The following PPP2R2D variants were observed in gnomAD, a reference collection of about 807,000 sequenced individuals.
The protein encoded by PPP2R2D is serine/threonine-protein phosphatase 2A 55 kDa regulatory subunit B delta isoform.
PPP2R2D carries 9 observed loss-of-function variants against 31.1 expected under a neutral mutation model. The observed-to-expected ratio is 0.29, with a 90% CI of 0.17 to 0.51. The LOEUF is 0.51. Among genes scored for constraint, PPP2R2D ranks in the 20% least tolerant of loss-of-function variants. The pLI is 0.98. For missense variants in PPP2R2D, 391 were observed against 465.6 expected, an observed-to-expected ratio of 0.84 and a Z score of 1.48; for synonymous variants, 179 against 172.6, an observed-to-expected ratio of 1.04 and a Z score of -0.29.
rs370187334 is a variant in PPP2R2D, at chr10:131,952,214, CG to C, written c.1083-3463del. On this transcript the variant is annotated intron_variant, in intron 8 of 8. Transcript: ENST00000455566. The stretch of plus-strand genomic sequence containing the variant: ...GTCTTAGCAGTGACTTGCGGGTGTG[CG>C]GGGGGGTTCACTGTCTTAGCAGTGA... 4.4e-4 allele frequency among the ~76,000 whole-genome samples: 14 copies of C among 32,072 alleles called. No homozygotes were observed. The East Asian group carries it at 0.011, about 26-fold the overall frequency. The allele number at this position is 32,072 out of a possible 152,430, so 21.0% of individuals were successfully genotyped here.
chr10:131,956,462 G>T lies in PPP2R2D; in HGVS notation c.*499G>T. The T allele has an allele frequency of 1.0e-6, 1 of 985,608 alleles. No homozygotes were observed. Among genetic ancestry groups the T allele is most frequent in the Non-Finnish European group, 1.2e-6 (1 of 830,060 alleles). The allele number at this position is 985,608 out of a possible 1,614,324, so 61.1% of individuals were successfully genotyped here. A position where few individuals can be genotyped will look rare whatever the true frequency, so the allele number is the denominator to read the frequency against. ...GATGTGGCCCGAGCAGGCTCAGGCG[G>T]CCCCACTCACCCACAGCATCCGCCG... On this transcript the variant is annotated 3_prime_UTR_variant, in exon 9 of 9. Transcript: ENST00000455566.
chr10:131,942,014 T>C (rs749747059), intron 5 of PPP2R2D, among the ~76,000 whole-genome samples: 1 of 152,230 alleles, frequency 6.6e-6, no homozygotes, highest in Non-Finnish European at 1.5e-5. Flanking sequence ...AAATCACTTT[T>C]AGTGACAGTA....
chr10:131,950,092 CTG>C (rs1156268188), intron 8 of PPP2R2D, among the ~76,000 whole-genome samples: 4 of 152,098 alleles, frequency 2.6e-5, no homozygotes, highest in East Asian at 3.9e-4. Context: ...ACAGATGAAA[CTG>C]TGTGGGTTTA....
intron 8 of PPP2R2D, among the ~76,000 whole-genome samples, chr10:131,953,199 C>A (rs1244996781): frequency 1.8e-4 from 3 of 17,002 alleles, no homozygotes; most frequent in African/African-American, 8.7e-4. Flanking sequence ...ACTGTCTTAG[C>A]AGTGACTTGC....
chr10:131,971,347 A>G, the PPP2R2D span: 1 of 248,408 alleles, frequency 4.0e-6, no homozygotes. Context: ...AAGAAAATGA[A>G]AACAGCCGAA....
chr10:131,928,680 G>A (rs932941832), intron 2 of PPP2R2D, among the ~76,000 whole-genome samples: 29 of 152,216 alleles, frequency 1.9e-4, no homozygotes, highest in African/African-American at 6.3e-4. Flanking sequence ...TGCCGTGGGC[G>A]GAGGCTGGCG....
At chr10:131,949,119 C>A (rs921717306) in intron 8 of PPP2R2D, among the ~76,000 whole-genome samples, 1 of 152,202 alleles carries the variant, frequency 6.6e-6, no homozygotes, top group Admixed American at 6.5e-5. Flanking sequence ...GACTGACCTG[C>A]CAGCCTGTAG....
At chr10:131,951,923 C>CA (rs1472571261) in intron 8 of PPP2R2D, among the ~76,000 whole-genome samples, 1 of 152,238 alleles carries the variant, frequency 6.6e-6, no homozygotes, top group African/African-American at 2.4e-5. Context: ...GGATAGGAGA[C>CA]CATCTTTCTT....
rs556808959 is a variant in PPP2R2D at position 131,945,785 on chromosome 10, C to T, written c.820+326C>T. The T allele has an allele frequency of 3.5e-4, 81 of 230,158 alleles. 1 individual carries two copies. Among genetic ancestry groups the T allele is most frequent in the Non-Finnish European group, 6.0e-4 (70 of 116,214 alleles). 14.3% of individuals were successfully genotyped at this position (230,158 alleles called of 1,614,324 possible). A position where few individuals can be genotyped will look rare whatever the true frequency, so the allele number is the denominator to read the frequency against. ...GTCTTTTAAAGCATCTCATTTAGAGCCACTTGTTCTTCAGACACTCCAAAG... is the reference window on the plus strand; with the variant it reads ...GTCTTTTAAAGCATCTCATTTAGAGTCACTTGTTCTTCAGACACTCCAAAG... On this transcript the variant is annotated intron_variant, in intron 7 of 8. Transcript: ENST00000455566. The surrounding 1 kb of genome is among the most constrained non-coding windows in gnomAD (Gnocchi z 4.8).
intron 2 of PPP2R2D, among the ~76,000 whole-genome samples, chr10:131,907,567 C>T (rs910941561): frequency 1.1e-4 from 17 of 151,942 alleles, no homozygotes; most frequent in African/African-American, 3.1e-4. Flanking sequence ...GGTGAAACCC[C>T]GTCTCTACTA....
At chr10:131,911,157 G>T (rs1321773411) in intron 2 of PPP2R2D, among the ~76,000 whole-genome samples, 4 of 152,168 alleles carry the variant, frequency 2.6e-5, no homozygotes, top group African/African-American at 9.7e-5. Context: ...CTCTCGAAGT[G>T]GGGGGCAGTC....
At chr10:131,944,251 TAC>T in intron 6 of PPP2R2D, 106 bp downstream of exon 6, 1 of 898,508 alleles carries the variant, frequency 1.1e-6, no homozygotes, top group Admixed American at 2.5e-5. Flanking sequence ...GTCTTGTAAA[TAC>T]CATCACTGCA....
At chr10:131,961,720 C>T (rs1167790159), downstream of PPP2R2D, among the ~76,000 whole-genome samples, 2 of 152,224 alleles carry the variant, frequency 1.3e-5, no homozygotes, top group East Asian at 3.8e-4. Flanking sequence ...GCCTTGTGTG[C>T]TCTGGCGCCA....
At chr10:131,946,545 C>T (rs1334158366) in intron 7 of PPP2R2D, among the ~76,000 whole-genome samples, 4 of 152,230 alleles carry the variant, frequency 2.6e-5, no homozygotes, top group Admixed American at 6.5e-5. Flanking sequence ...CGTATTTCTA[C>T]TAGAATTCCT....
chr10:131,961,531 A>T (rs1450856802), downstream of PPP2R2D, among the ~76,000 whole-genome samples: 1 of 152,108 alleles, frequency 6.6e-6, no homozygotes, highest in Non-Finnish European at 1.5e-5. Context: ...CACTGGGGTG[A>T]TACTGGGCTT....
At chr10:131,914,160 G>A (rs1314373761) in intron 2 of PPP2R2D, among the ~76,000 whole-genome samples, 1 of 152,218 alleles carries the variant, frequency 6.6e-6, no homozygotes, top group Non-Finnish European at 1.5e-5. Flanking sequence ...GTTTTAAGTG[G>A]GTGGTGAGTA....
At position 131,910,901 on chromosome 10, in the gene PPP2R2D, G is replaced by C. The variant is rs1014656116; in HGVS notation, c.100+9571G>C. On this transcript the variant is annotated intron_variant, in intron 2 of 8. Transcript: ENST00000455566. ...ACAGTCTTGCCTATGTATGGACTGG[G>C]TTTGAAGATAGCTTCCAGATGTTTC... 2.0e-3 allele frequency among the ~76,000 whole-genome samples: 300 copies of C among 152,338 alleles called. 2 individuals carry two copies. Among genetic ancestry groups the C allele is most frequent in the Middle Eastern group, 6.8e-3 (2 of 294 alleles).
intron 2 of PPP2R2D, among the ~76,000 whole-genome samples, chr10:131,918,841 T>C (rs1416951767): frequency 1.6e-5 from 2 of 127,660 alleles, no homozygotes; most frequent in African/African-American, 3.0e-5. Flanking sequence ...GGGGGTGGAA[T>C]GACACAGTGT....
At chr10:131,934,803 A>G in intron 3 of PPP2R2D, 1 of 553,072 alleles carries the variant, frequency 1.8e-6, no homozygotes, top group Non-Finnish European at 3.4e-6. Context: ...CCCATGAAGG[A>G]TGCAGGGTGG....
Sources: allele counts gnomAD v4.1 joint callset (sites outside exome capture counted in the v4.1 genomes callset), GRCh38; gene constraint gnomAD v4.1.1; non-coding constraint Gnocchi (gnomAD v3.1); transcripts MANE v1.5; gene names NCBI Gene and HGNC (gene_info 2026-07-23, HGNC 2026-07-21).